Variants in FANCA observed in about 807,000 individuals in gnomAD.
The protein encoded by FANCA is FA complementation group A.
A neutral mutation model predicts 194.3 loss-of-function variants in FANCA; 236 were observed. The ratio of observed to expected loss-of-function variants is 1.21; its 90% CI spans 1.09 to 1.35. The LOEUF is 1.35. Ranked by LOEUF, FANCA falls within the 40% of genes most tolerant of loss-of-function variation. The probability of loss-of-function intolerance (pLI) is 0.00; values close to 1 mark genes in which losing one functional copy is unlikely to be tolerated. For missense variants in FANCA, 2,628 were observed against 1,813.9 expected (o/e 1.45, Z -8.15); for synonymous variants, 1,014 against 715.8 (o/e 1.42, Z -6.65).
chr16:89,795,587 G>C (rs1024601135), intron 11 of FANCA, among the ~76,000 whole-genome samples: 1 of 152,086 alleles, frequency 6.6e-6, no homozygotes, highest in Non-Finnish European at 1.5e-5. Context: ...GCAGTGAGCT[G>C]AGATCACGCC....
At chr16:89,782,080 A>G (rs2039732418) in intron 17 of FANCA, among the ~76,000 whole-genome samples, 1 of 150,886 alleles carries the variant, frequency 6.6e-6, no homozygotes, top group African/African-American at 2.4e-5. Context: ...CTGCTATAAA[A>G]ACAGTTAACA....
chr16:89,752,804 G>A (rs1468960149), intron 30 of FANCA, among the ~76,000 whole-genome samples: 1 of 152,186 alleles, frequency 6.6e-6, no homozygotes, highest in African/African-American at 2.4e-5. Flanking sequence ...GAAGACGCCC[G>A]TCACCAAGCG....
chr16:89,802,100 A>G (rs2040476440), intron 8 of FANCA, among the ~76,000 whole-genome samples: 1 of 152,274 alleles, frequency 6.6e-6, no homozygotes, highest in Non-Finnish European at 1.5e-5. Context: ...TGGTATATAC[A>G]CACAACGGAA....
At position 89,799,225 on chromosome 16, in the gene FANCA, A is replaced by AC; in HGVS notation, c.833_834insG (p.Asp279Ter). 1 of 1,614,116 alleles carries AC rather than the reference A, an allele frequency of 6.2e-7. No individual in the cohort carries two copies. Among genetic ancestry groups the AC allele is most frequent in the Non-Finnish European group, 8.5e-7 (1 of 1,180,034 alleles). ...CCTGTACTCCAGCAGCCAAAGCGTC[A>AC]AGTGCAACTGAAGACAGAGCCAGGA... On this transcript the variant is annotated frameshift_variant, in exon 10 of 43. Transcript: ENST00000389301. LOFTEE classifies it high-confidence loss of function.
At chr16:89,793,737 T>C (rs960808992) in intron 11 of FANCA, among the ~76,000 whole-genome samples, 4 of 151,894 alleles carry the variant, frequency 2.6e-5, no homozygotes, top group East Asian at 3.9e-4. Context: ...TGTGCCACCA[T>C]ACCCAGATAC....
intron 30 of FANCA, among the ~76,000 whole-genome samples, chr16:89,752,469 A>C (rs1231829878): frequency 6.6e-6 from 1 of 152,240 alleles, no homozygotes; most frequent in African/African-American, 2.4e-5. Context: ...GTGGCAAGCC[A>C]CCCAGGCACC....
chr16:89,750,697 C>T (rs953785276), intron 31 of FANCA, among the ~76,000 whole-genome samples: 6 of 151,818 alleles, frequency 4.0e-5, no homozygotes, highest in African/African-American at 9.7e-5. Flanking sequence ...AGTTTGAACC[C>T]GGGAGGTAGA....
rs1219402916 is a variant in FANCA at position 89,740,868 on chromosome 16, T to C, written c.3766-2A>G. On this transcript the variant is annotated splice_acceptor_variant, in intron 37 of 42. Coordinates refer to ENST00000389301, the MANE Select transcript of FANCA (RefSeq NM_000135.4). LOFTEE classifies it high-confidence loss of function. ...GAAGAAGAAAAGGAAAACCAATAGC[T>C]GTAAATAAAAACGTGCACTTATTAT... 6.2e-7 allele frequency: 1 copy of C among 1,611,726 alleles called. No homozygotes were observed. The highest frequency in any genetic ancestry group is 8.5e-7 in the Non-Finnish European group (1 of 1,178,614).
In FANCA at chr16:89,745,024, T is replaced by C. The variant is rs781679210; in HGVS notation, c.3561A>G (p.Arg1187=). Residue 1187 remains arginine, a synonymous_variant, in exon 36 of 43, where the codon AGA becomes AGG. Transcript: ENST00000389301. ...CCCGGGGCAGCGGGCTCTGGCAGTG[T>C]CTCCTCCACCGGCAGAGCAGCACAG... ...LEPVLLCRWR[R]HCQSPLPREL... 5 of 1,610,388 alleles carry C rather than the reference T, an allele frequency of 3.1e-6. No individual in the cohort carries two copies. The highest frequency in any genetic ancestry group is 1.7e-5 in the Admixed American group (1 of 59,978).
intron 23 of FANCA, among the ~76,000 whole-genome samples, chr16:89,770,983 G>A (rs372618498): frequency 6.6e-6 from 1 of 152,056 alleles, no homozygotes; most frequent in Non-Finnish European, 1.5e-5. Context: ...TGGTCAACAT[G>A]ATGAAACCCT....
intron 12 of FANCA, 57 bp from the exon 13 acceptor site, chr16:89,792,125 G>A (rs2040096986): frequency 1.2e-6 from 2 of 1,606,838 alleles, no homozygotes; most frequent in African/African-American, 2.7e-5. Context: ...TGCGACAGAT[G>A]ACCCCTCACC....
At chr16:89,748,234 G>A (rs746918829) in intron 33 of FANCA, among the ~76,000 whole-genome samples, 63 of 152,318 alleles carry the variant, frequency 4.1e-4, no homozygotes, top group Non-Finnish European at 8.8e-5. Flanking sequence ...TGCAACTCAC[G>A]CTGGGCAGTG....
intron 3 of FANCA, among the ~76,000 whole-genome samples, 180 bp from the exon 4 acceptor site, chr16:89,811,251 G>A (rs1199724500): frequency 6.6e-6 from 1 of 152,164 alleles, no homozygotes; most frequent in African/African-American, 2.4e-5. Context: ...GATGATCCAA[G>A]CAGCTCACAA....
intron 26 of FANCA, among the ~76,000 whole-genome samples, chr16:89,768,990 C>A (rs761165375): frequency 5.3e-5 from 8 of 152,132 alleles, no homozygotes; most frequent in Non-Finnish European, 1.0e-4. Flanking sequence ...ACTCTGTATC[C>A]CCGGAGTACC....
chr16:89,744,940 T>A lies in FANCA; in HGVS notation c.3626+19A>T, dbSNP rs756108061. 1 of 1,608,926 alleles carries A rather than the reference T, an allele frequency of 6.2e-7. No individual in the cohort carries two copies. Among genetic ancestry groups the A allele is most frequent in the East Asian group, 2.2e-5 (1 of 44,854 alleles). On this transcript the variant is annotated intron_variant, in intron 36 of 42. Transcript: ENST00000389301. ...AGTGCATCTGGGCGGGCACACCCCA[T>A]CTCACCACCCACACGTACTCGCTGG...
At position 89,759,318 on chromosome 16, in the gene FANCA, T is replaced by TTAAAAAAAAAAAAAAAAAAAAAA. The variant is rs1224981781; in HGVS notation, c.2853-614_2853-613insTTTTTTTTTTTTTTTTTTTTTTA. Reference sequence around the variant, plus strand: ...TTGGGCAACAGAGCGAGACTCCGTCTAAAAAAAAAAAAAAAAAAAAAAAAA... The same window carrying TTAAAAAAAAAAAAAAAAAAAAAA: ...TTGGGCAACAGAGCGAGACTCCGTCTTAAAAAAAAAAAAAAAAAAAAAAAAAAAAAAAAAAAAAAAAAAAAAAA... On this transcript the variant is annotated intron_variant, in intron 29 of 42. Coordinates refer to ENST00000389301, the MANE Select transcript of FANCA (RefSeq NM_000135.4). Among the ~76,000 whole-genome samples, 18 of 75,206 alleles carry TTAAAAAAAAAAAAAAAAAAAAAA rather than the reference T, an allele frequency of 2.4e-4. 7 individuals are homozygous for TTAAAAAAAAAAAAAAAAAAAAAA. The highest frequency in any genetic ancestry group is 7.7e-4 in the African/African-American group (15 of 19,548). 49.3% of individuals were successfully genotyped at this position (75,206 alleles called of 152,430 possible). A position where few individuals can be genotyped will look rare whatever the true frequency, so the allele number is the denominator to read the frequency against.
chr16:89,808,224 G>A, intron 6 of FANCA, 70 bp downstream of exon 6: 4 of 1,456,176 alleles, frequency 2.7e-6, no homozygotes, highest in Non-Finnish European at 3.9e-6. Flanking sequence ...CTGATTCTGG[G>A]CTTTGAAATA....
intron 14 of FANCA, among the ~76,000 whole-genome samples, chr16:89,788,862 A>G (rs1014289491): frequency 6.6e-6 from 1 of 152,210 alleles, no homozygotes; most frequent in African/African-American, 2.4e-5. Flanking sequence ...GATACCTTTC[A>G]TTATTTCATT....
intron 42 of FANCA, 24 bp downstream of exon 42, chr16:89,738,858 C>G: frequency 6.2e-7 from 1 of 1,614,228 alleles, no homozygotes; most frequent in Non-Finnish European, 8.5e-7. Flanking sequence ...CCCACATGGC[C>G]CAAGGTGGGC....
Sources: gnomAD v4.1 joint callset for allele counts (sites outside exome capture counted in the v4.1 genomes callset) on GRCh38, gnomAD v4.1.1 for gene constraint, MANE v1.5 for transcripts, NCBI Gene and HGNC (gene_info 2026-07-23, HGNC 2026-07-21) for gene names.